The following KCNIP1 variants were observed in gnomAD, a reference collection of about 807,000 sequenced individuals.
The protein encoded by KCNIP1 is A-type potassium channel modulatory protein KCNIP1.
Under a neutral mutation model 33.0 loss-of-function variants are expected in KCNIP1, and 18 were observed. The observed-to-expected ratio is 0.55, with a 90% CI of 0.38 to 0.81. The LOEUF is 0.81. KCNIP1 is among the 30% of genes least tolerant of loss of function. KCNIP1 has a pLI of 0.00. For missense variants in KCNIP1, 238 were observed against 271.6 expected, an observed-to-expected ratio of 0.88 and a Z score of 0.87; for synonymous variants, 93 against 98.3, an observed-to-expected ratio of 0.95 and a Z score of 0.32.
intron 1 of KCNIP1, among the ~76,000 whole-genome samples, chr5:170,587,154 G>A (rs928131517): frequency 9.9e-5 from 15 of 152,224 alleles, no homozygotes; most frequent in African/African-American, 3.4e-4. Flanking sequence ...GGGTGCAGTG[G>A]CTCATGCCTG....
chr5:170,375,895 C>T (rs868632954), intron 1 of KCNIP1: 4 of 152,220 alleles, frequency 2.6e-5, no homozygotes, highest in African/African-American at 9.7e-5. Flanking sequence ...AAAGGTTATT[C>T]GTCCAAAGTC....
At chr5:170,442,401 G>A (rs1756014334) in intron 1 of KCNIP1, among the ~76,000 whole-genome samples, 1 of 152,210 alleles carries the variant, frequency 6.6e-6, no homozygotes, top group African/African-American at 2.4e-5. Context: ...CCAAGTCGCT[G>A]TCCTATTCTG....
At chr5:170,642,470 G>A (rs770778621) in intron 1 of KCNIP1, among the ~76,000 whole-genome samples, 17 of 152,196 alleles carry the variant, frequency 1.1e-4, no homozygotes, top group Non-Finnish European at 1.9e-4. Flanking sequence ...AATCATTAGA[G>A]GGTCTCAGTT....
intron 1 of KCNIP1, among the ~76,000 whole-genome samples, chr5:170,476,320 T>C (rs1469468323): frequency 6.6e-6 from 1 of 152,226 alleles, no homozygotes; most frequent in Non-Finnish European, 1.5e-5. Flanking sequence ...CTCATATCTC[T>C]GACTAATTAC....
At chr5:170,657,106 C>T (rs1218883360) in intron 1 of KCNIP1, among the ~76,000 whole-genome samples, 2 of 150,730 alleles carry the variant, frequency 1.3e-5, no homozygotes, top group Non-Finnish European at 2.9e-5. Flanking sequence ...AGCAATTCTC[C>T]TGCCTCAGCC....
chr5:170,457,044 G>A (rs546320709), intron 1 of KCNIP1, among the ~76,000 whole-genome samples: 1 of 152,146 alleles, frequency 6.6e-6, no homozygotes, highest in Admixed American at 6.5e-5. Context: ...CAAGCTTTTA[G>A]CTAAACTGAC....
At chr5:170,629,094 T>G (rs926273654) in intron 1 of KCNIP1, among the ~76,000 whole-genome samples, 3 of 152,218 alleles carry the variant, frequency 2.0e-5, no homozygotes, top group African/African-American at 7.2e-5. Flanking sequence ...GATTTGCTGT[T>G]CAGAAAACAT....
chr5:170,679,611 T>C (rs1271545984), intron 1 of KCNIP1, among the ~76,000 whole-genome samples: 3 of 146,032 alleles, frequency 2.1e-5, no homozygotes, highest in East Asian at 2.0e-4. Context: ...TTTGGAAATA[T>C]TTTATGTATA....
At chr5:170,601,018 G>T (rs1758670040) in intron 1 of KCNIP1, among the ~76,000 whole-genome samples, 1 of 152,206 alleles carries the variant, frequency 6.6e-6, no homozygotes, top group Admixed American at 6.5e-5. Context: ...CCTTGAACAA[G>T]TCACTTAGCC....
At chr5:170,613,876 T>C (rs1034871777) in intron 1 of KCNIP1, among the ~76,000 whole-genome samples, 1 of 152,220 alleles carries the variant, frequency 6.6e-6, no homozygotes, top group Non-Finnish European at 1.5e-5. Flanking sequence ...GGCCACTTGG[T>C]GTCTGTGTGG....
chr5:170,404,197 T>A (rs1327817305), intron 1 of KCNIP1, among the ~76,000 whole-genome samples: 1 of 152,256 alleles, frequency 6.6e-6, no homozygotes, highest in Non-Finnish European at 1.5e-5. Context: ...TGTGCATTTA[T>A]TTATCAGTGT....
intron 1 of KCNIP1, among the ~76,000 whole-genome samples, chr5:170,455,572 C>T (rs1053979698): frequency 1.3e-5 from 2 of 152,196 alleles, no homozygotes; most frequent in Non-Finnish European, 2.9e-5. Flanking sequence ...ACAAAACAAG[C>T]TTCGATAATT....
chr5:170,507,401 C>A (rs1042543706), intron 1 of KCNIP1, among the ~76,000 whole-genome samples: 1 of 152,228 alleles, frequency 6.6e-6, no homozygotes, highest in Non-Finnish European at 1.5e-5. Context: ...AAGTGGTCAG[C>A]AAATTTGAGG....
chr5:170,721,719 C>T (rs779813266), intron 3 of KCNIP1, 114 bp from the exon 4 acceptor site: 1 of 1,612,188 alleles, frequency 6.2e-7, no homozygotes, highest in Admixed American at 1.7e-5. Context: ...TTCTCCTTTC[C>T]ATCACCCTAG....
intron 1 of KCNIP1, among the ~76,000 whole-genome samples, chr5:170,622,109 C>T (rs562662694): frequency 2.8e-4 from 42 of 152,304 alleles, no homozygotes; most frequent in Non-Finnish European, 3.4e-4. Context: ...GATGAAGGTG[C>T]TTTGCACGGT....
intron 1 of KCNIP1, among the ~76,000 whole-genome samples, chr5:170,514,373 G>C (rs1755050347): frequency 6.6e-6 from 1 of 152,186 alleles, no homozygotes; most frequent in Non-Finnish European, 1.5e-5. Context: ...CACTCAGCAG[G>C]GGTGTCTTCA....
chr5:170,653,483 G>T (rs1345030603), intron 1 of KCNIP1, among the ~76,000 whole-genome samples: 1 of 152,064 alleles, frequency 6.6e-6, no homozygotes, highest in African/African-American at 2.4e-5. Flanking sequence ...AATTTGTGAT[G>T]TTCTCTCTGC....
At chr5:170,567,492 T>C (rs1330904929) in intron 1 of KCNIP1, among the ~76,000 whole-genome samples, 2 of 152,108 alleles carry the variant, frequency 1.3e-5, no homozygotes, top group Non-Finnish European at 2.9e-5. Flanking sequence ...ATGAGGATCA[T>C]AGAGGAGATC....
intron 1 of KCNIP1, among the ~76,000 whole-genome samples, chr5:170,677,366 G>A (rs1762182052): frequency 6.6e-6 from 1 of 152,102 alleles, no homozygotes; most frequent in African/African-American, 2.4e-5. Context: ...TGGGTATCAG[G>A]GACTGTGCTG....
Sources: allele counts gnomAD v4.1 joint callset (sites outside exome capture counted in the v4.1 genomes callset), GRCh38; gene constraint gnomAD v4.1.1; transcripts MANE v1.5; gene names NCBI Gene and HGNC (gene_info 2026-07-23, HGNC 2026-07-21).